STK24: variants seen among roughly 807,000 people sequenced by gnomAD.
STK24 encodes serine/threonine kinase 24.
Under a neutral mutation model 55.6 loss-of-function variants are expected in STK24, and 21 were observed. The observed-to-expected ratio is 0.38, with a 90% CI of 0.27 to 0.54. The LOEUF (loss-of-function observed/expected upper bound fraction) is 0.54. STK24 is among the 20% of genes least tolerant of loss of function. The pLI is 0.79. For missense variants in STK24, 383 were observed against 538.4 expected (o/e 0.71, Z 2.86); for synonymous variants, 200 against 215.2 (o/e 0.93, Z 0.62).
chr13:98,532,358 G>A (rs987510565), intron 1 of STK24, among the ~76,000 whole-genome samples: 11 of 151,910 alleles, frequency 7.2e-5, no homozygotes, highest in African/African-American at 2.7e-4. Context: ...CTTGCCAGAT[G>A]ACTTCAGTGA....
At chr13:98,466,840 C>CG (rs1566349696) in intron 5 of STK24, among the ~76,000 whole-genome samples, 1 of 151,886 alleles carries the variant, frequency 6.6e-6, no homozygotes, top group African/African-American at 2.4e-5. Flanking sequence ...CGTGGAGTCC[C>CG]GGGGGCCAGC....
In STK24 at chr13:98,548,765, G is replaced by C. The variant is rs375082533; in HGVS notation, c.42+27980C>G. 3.5e-4 allele frequency among the ~76,000 whole-genome samples: 53 copies of C among 150,566 alleles called. No homozygotes were observed. The East Asian group carries it at 1.0e-2, about 28-fold the overall frequency. ...TAATCCCAGCTACTCGGGAGGCTGA[G>C]GCAGGAGAATCACTTGAACTTGAGA... is the stretch of plus-strand genomic sequence containing the variant. On this transcript the variant is annotated intron_variant, in intron 1 of 10. Transcript: ENST00000539966.
intron 9 of STK24, 140 bp from the exon 10 acceptor site, chr13:98,457,444 G>A (rs1353980078): frequency 4.3e-6 from 5 of 1,167,966 alleles, no homozygotes; most frequent in South Asian, 1.4e-5. Context: ...TTTGGCTAGG[G>A]CTCCAGGCCA....
At chr13:98,499,713 A>G (rs1191452229) in intron 2 of STK24, among the ~76,000 whole-genome samples, 2 of 152,212 alleles carry the variant, frequency 1.3e-5, no homozygotes, top group African/African-American at 4.8e-5. Flanking sequence ...AGGAAGGACC[A>G]GCGGAAGCAC....
At chr13:98,557,989 G>T (rs776394661) in intron 1 of STK24, among the ~76,000 whole-genome samples, 4 of 152,070 alleles carry the variant, frequency 2.6e-5, no homozygotes, top group Non-Finnish European at 5.9e-5. Flanking sequence ...TCTTCAGCCG[G>T]CTAGGTCTAG....
At chr13:98,466,820 C>T (rs1286588107) in intron 5 of STK24, among the ~76,000 whole-genome samples, 4 of 152,184 alleles carry the variant, frequency 2.6e-5, no homozygotes, top group Admixed American at 6.5e-5. Context: ...TGGATGCATT[C>T]GGCATTCCCC....
intron 10 of STK24, chr13:98,455,474 C>T (rs1893412083): frequency 6.6e-6 from 1 of 152,200 alleles, no homozygotes; most frequent in African/African-American, 2.4e-5. Flanking sequence ...CTCTTGGCCT[C>T]AAGCGATCCT....
chr13:98,466,642 T>C, intron 5 of STK24, 81 bp from the exon 6 acceptor site: 3 of 1,451,406 alleles, frequency 2.1e-6, no homozygotes, highest in South Asian at 1.3e-5. Context: ...AATGGTAACA[T>C]GTCTCAATAC....
intron 1 of STK24, among the ~76,000 whole-genome samples, chr13:98,563,847 G>A (rs1296797873): frequency 2.7e-5 from 4 of 149,228 alleles, no homozygotes; most frequent in African/African-American, 5.0e-5. Context: ...GTGAAGGAGC[G>A]AGACTCCGTC....
At chr13:98,556,355 C>T (rs1897289453) in intron 1 of STK24, among the ~76,000 whole-genome samples, 1 of 152,230 alleles carries the variant, frequency 6.6e-6, no homozygotes, top group Non-Finnish European at 1.5e-5. Context: ...CGGGCAGCCG[C>T]CTTTATCATC....
At chr13:98,533,553 G>A (rs945093453) in intron 1 of STK24, among the ~76,000 whole-genome samples, 3 of 147,736 alleles carry the variant, frequency 2.0e-5, no homozygotes, top group Non-Finnish European at 4.5e-5. Context: ...GGAAGGCTGA[G>A]GTGGGAGAAT....
chr13:98,465,026 C>G (rs1409236486), intron 6 of STK24, among the ~76,000 whole-genome samples: 1 of 152,142 alleles, frequency 6.6e-6, no homozygotes, highest in East Asian at 1.9e-4. Context: ...TCACCCATGC[C>G]CTGGGCTCAG....
At chr13:98,459,566 C>T (rs974982392) in intron 9 of STK24, among the ~76,000 whole-genome samples, 5 of 152,222 alleles carry the variant, frequency 3.3e-5, no homozygotes, top group African/African-American at 7.2e-5. Context: ...CGCTGCGTGA[C>T]GCAGGCACAG....
chr13:98,521,997 A>C, intron 1 of STK24: 2 of 1,432,012 alleles, frequency 1.4e-6, no homozygotes, highest in Non-Finnish European at 9.2e-7. Context: ...CCCTAACCCA[A>C]AGCCCTCCTC....
At chr13:98,463,004 G>C (rs1893776944) in intron 7 of STK24, among the ~76,000 whole-genome samples, 1 of 152,138 alleles carries the variant, frequency 6.6e-6, no homozygotes, top group Non-Finnish European at 1.5e-5. Flanking sequence ...GCTTTAAACT[G>C]GAATCACCTA....
At chr13:98,477,060 C>CTA (rs1894405294) in intron 3 of STK24, among the ~76,000 whole-genome samples, 1 of 152,246 alleles carries the variant, frequency 6.6e-6, no homozygotes. Context: ...TTACCTCAGA[C>CTA]TAAGGCATTA....
At chr13:98,491,515 A>G (rs1895034066) in intron 2 of STK24, among the ~76,000 whole-genome samples, 2 of 152,214 alleles carry the variant, frequency 1.3e-5, no homozygotes, top group Non-Finnish European at 2.9e-5. Flanking sequence ...AGAGGAACAA[A>G]ACGAAGCAAC....
chr13:98,527,392 A>G (rs1342326341), intron 1 of STK24, among the ~76,000 whole-genome samples: 1 of 152,126 alleles, frequency 6.6e-6, no homozygotes, highest in Admixed American at 6.5e-5. Flanking sequence ...CCAAGACCCC[A>G]CCCCAATTAG....
In STK24 at chr13:98,521,686, G is replaced by A. The variant is rs191897936; in HGVS notation, c.43-2213C>T. The A allele has an allele frequency of 2.9e-3, 2,111 of 719,598 alleles. 8 individuals are homozygous for A. Among genetic ancestry groups the A allele is most frequent in the Non-Finnish European group, 4.4e-3 (1,676 of 383,154 alleles). 44.6% of individuals were successfully genotyped at this position (719,598 alleles called of 1,614,324 possible). On this transcript the variant is annotated intron_variant, in intron 1 of 10. Transcript: ENST00000539966. ...GATGAGCAGCTTTCGGGGATGCGGG[G>A]GAAGCAGCGCATCCTTTTTTAGCTA... is the stretch of plus-strand genomic sequence containing the variant.
Sources: gnomAD v4.1 joint callset for allele counts (sites outside exome capture counted in the v4.1 genomes callset) on GRCh38, gnomAD v4.1.1 for gene constraint, MANE v1.5 for transcripts, NCBI Gene and HGNC (gene_info 2026-07-23, HGNC 2026-07-21) for gene names.